The following GLUD1 variants were observed in gnomAD, a reference collection of about 807,000 sequenced individuals.
The protein encoded by GLUD1 is glutamate dehydrogenase 1.
A neutral mutation model predicts 56.0 loss-of-function variants in GLUD1; 22 were observed. That is an observed-to-expected ratio of 0.39 (90% CI 0.28 to 0.56). The LOEUF (loss-of-function observed/expected upper bound fraction) is 0.56. Among genes scored for constraint, GLUD1 ranks in the 20% least tolerant of loss-of-function variants. GLUD1 has a pLI of 0.58. For missense variants in GLUD1, 451 were observed against 732.0 expected (o/e 0.62, Z 4.43); for synonymous variants, 223 against 269.9 (o/e 0.83, Z 1.70).
intron 1 of GLUD1, among the ~76,000 whole-genome samples, chr10:87,085,684 C>T (rs1841365990): frequency 6.6e-6 from 1 of 152,088 alleles, no homozygotes; most frequent in African/African-American, 2.4e-5. Context: ...CACTTATGAC[C>T]CCAGTCTTCT....
Position 87,056,889 on chromosome 10 carries a change from C to G in GLUD1, c.1494+802G>C, listed in dbSNP as rs375812889. ...TAACAATGAGGTTAAATTTTTCCCC[C>G]AGGCTTATGTGTTATGGACTTTTGT... On this transcript the variant is annotated intron_variant, in intron 11 of 12. Coordinates refer to ENST00000277865, the MANE Select transcript of GLUD1 (RefSeq NM_005271.5). 1.4e-4 allele frequency among the ~76,000 whole-genome samples: 22 copies of G among 151,998 alleles called. No individual in the cohort carries two copies. The East Asian group carries it at 4.3e-3, about 29-fold the overall frequency.
chr10:87,089,507 A>G, intron 1 of GLUD1: 1 of 543,542 alleles, frequency 1.8e-6, no homozygotes, highest in Non-Finnish European at 2.3e-6. Flanking sequence ...AGTTCTTAAT[A>G]AAATGCCTGG....
At chr10:87,082,535 A>G (rs188296884) in intron 1 of GLUD1, among the ~76,000 whole-genome samples, 1 of 152,342 alleles carries the variant, frequency 6.6e-6, no homozygotes, top group Non-Finnish European at 1.5e-5. Flanking sequence ...GAGGAGCTAT[A>G]AAGAAAGTAC....
At chr10:87,082,207 A>C (rs920596981) in intron 1 of GLUD1, among the ~76,000 whole-genome samples, 1 of 152,180 alleles carries the variant, frequency 6.6e-6, no homozygotes, top group African/African-American at 2.4e-5. Context: ...TGGCAAGCCT[A>C]ATATTCTAGA....
chr10:87,056,026 G>C (rs1256028390), intron 11 of GLUD1, among the ~76,000 whole-genome samples: 1 of 135,454 alleles, frequency 7.4e-6, no homozygotes, highest in Admixed American at 8.4e-5. Flanking sequence ...TAAGGCAGGA[G>C]AATTGCTTGA....
At chr10:87,063,139 T>A (rs1845980184) in intron 5 of GLUD1, among the ~76,000 whole-genome samples, 1 of 152,014 alleles carries the variant, frequency 6.6e-6, no homozygotes, top group South Asian at 2.1e-4. Flanking sequence ...AATGGTGAGA[T>A]CTTGGCTCAT....
chr10:87,068,315 A>C (rs1158586677), intron 4 of GLUD1, among the ~76,000 whole-genome samples, 158 bp from the exon 5 acceptor site: 1 of 152,254 alleles, frequency 6.6e-6, no homozygotes. Context: ...AATATTCATT[A>C]AATGTTTCAC....
intron 11 of GLUD1, among the ~76,000 whole-genome samples, chr10:87,054,959 C>CT (rs1174321164): frequency 2.0e-5 from 3 of 152,174 alleles, no homozygotes; most frequent in African/African-American, 7.2e-5. Flanking sequence ...AGCTCCCAGG[C>CT]TGCATCAGTT....
chr10:87,057,957 C>T (rs557031457), intron 10 of GLUD1, among the ~76,000 whole-genome samples, 175 bp from the exon 11 acceptor site: 11 of 152,322 alleles, frequency 7.2e-5, no homozygotes, highest in Admixed American at 3.3e-4. Flanking sequence ...CAAACTCTGC[C>T]TCCCGGGTTC....
intron 7 of GLUD1, 23 bp downstream of exon 7, chr10:87,060,892 A>G: frequency 6.2e-7 from 1 of 1,613,666 alleles, no homozygotes; most frequent in Non-Finnish European, 8.5e-7. Flanking sequence ...TTTAGTGTCT[A>G]TGCTATAAAA....
chr10:87,079,308 T>C (rs986028198), intron 1 of GLUD1, among the ~76,000 whole-genome samples: 24 of 150,828 alleles, frequency 1.6e-4, no homozygotes, highest in Non-Finnish European at 2.7e-4. Context: ...CGTGGGGGCA[T>C]GTGCGTGTAG....
chr10:87,078,429 C>T (rs1041329405), intron 1 of GLUD1, among the ~76,000 whole-genome samples: 6 of 152,134 alleles, frequency 3.9e-5, no homozygotes, highest in South Asian at 2.1e-4. Flanking sequence ...TTCTTCATAT[C>T]GTTTATTATT....
chr10:87,085,826 G>C (rs1841368920), intron 1 of GLUD1, among the ~76,000 whole-genome samples: 1 of 152,142 alleles, frequency 6.6e-6, no homozygotes, highest in Non-Finnish European at 1.5e-5. Flanking sequence ...CTGACAGATG[G>C]AAGATTATAC....
At chr10:87,058,103 C>T (rs1589355835) in intron 10 of GLUD1, among the ~76,000 whole-genome samples, 1 of 152,178 alleles carries the variant, frequency 6.6e-6, no homozygotes, top group South Asian at 2.1e-4. Flanking sequence ...CTCCTGACCT[C>T]GTGATTCATC....
At chr10:87,090,254 C>G (rs1172196795) in intron 1 of GLUD1, among the ~76,000 whole-genome samples, 1 of 152,170 alleles carries the variant, frequency 6.6e-6, no homozygotes, top group Non-Finnish European at 1.5e-5. Flanking sequence ...AACCTAATTT[C>G]TTCCCACTAT....
In GLUD1 at chr10:87,094,308, G is replaced by A; in HGVS notation, c.445+17C>T. 1 of 1,591,282 alleles carries A rather than the reference G, an allele frequency of 6.3e-7. No homozygotes were observed. The highest frequency in any genetic ancestry group is 1.1e-5 in the South Asian group (1 of 88,876). ...GGGGAGGCAGGGAGGGCGGGACGGG[G>A]CCCGGCCGACGCTCACCTCCCTTGC... On this transcript the variant is annotated intron_variant, in intron 1 of 12. Coordinates refer to ENST00000277865, the MANE Select transcript of GLUD1 (RefSeq NM_005271.5). The surrounding 1 kb of genome is among the most constrained non-coding windows in gnomAD (Gnocchi z 6.6).
chr10:87,078,315 T>C (rs1480472093), intron 1 of GLUD1, among the ~76,000 whole-genome samples: 1 of 152,222 alleles, frequency 6.6e-6, no homozygotes, highest in Admixed American at 6.5e-5. Context: ...CCCCATTTCA[T>C]TCAGGTCTCT....
At chr10:87,079,966 C>T (rs1841168144) in intron 1 of GLUD1, among the ~76,000 whole-genome samples, 1 of 143,640 alleles carries the variant, frequency 7.0e-6, no homozygotes, top group African/African-American at 2.7e-5. Flanking sequence ...TCCCTCTCCC[C>T]ACGGTCTCCC....
intron 1 of GLUD1, among the ~76,000 whole-genome samples, chr10:87,082,717 G>A (rs1045795122): frequency 7.9e-5 from 12 of 152,054 alleles, no homozygotes; most frequent in Non-Finnish European, 1.6e-4. Flanking sequence ...ATTGAGTACT[G>A]GGCTACCTAA....
Sources: gnomAD v4.1 joint callset for allele counts (sites outside exome capture counted in the v4.1 genomes callset) on GRCh38, gnomAD v4.1.1 for gene constraint, Gnocchi (gnomAD v3.1) non-coding constraint, MANE v1.5 for transcripts, NCBI Gene and HGNC (gene_info 2026-07-23, HGNC 2026-07-21) for gene names.